DPP10: variants seen among roughly 807,000 people sequenced by gnomAD.
The protein encoded by DPP10 is inactive dipeptidyl peptidase 10.
In DPP10, 33 loss-of-function variants were observed where a neutral mutation model predicts 120.9. The observed-to-expected ratio is 0.27, with a 90% CI of 0.21 to 0.37. The LOEUF (loss-of-function observed/expected upper bound fraction) is 0.37, where lower values mean the gene tolerates loss of function less well. DPP10 is among the 10% of genes least tolerant of loss of function. The pLI, the probability that DPP10 is intolerant of heterozygous loss-of-function variation, is 1.00. For synonymous variants in DPP10, 337 were observed against 326.1 expected (o/e 1.03, Z -0.36); for missense variants, 816 against 942.8 (o/e 0.87, Z 1.76).
chr2:115,458,630 G>T (rs2073772832), intron 3 of DPP10, among the ~76,000 whole-genome samples: 1 of 152,012 alleles, frequency 6.6e-6, no homozygotes, highest in Non-Finnish European at 1.5e-5. Context: ...TTATGAGTTT[G>T]TGGATATATA....
chr2:115,372,161 T>C (rs569860947), intron 3 of DPP10, among the ~76,000 whole-genome samples: 149 of 152,238 alleles, frequency 9.8e-4, no homozygotes, highest in African/African-American at 3.4e-3. Flanking sequence ...ATAGTTTAAA[T>C]GGAAGGGATA....
chr2:115,437,536 C>T (rs186282958), intron 3 of DPP10, among the ~76,000 whole-genome samples: 19 of 152,110 alleles, frequency 1.2e-4, no homozygotes, highest in African/African-American at 4.6e-4. Flanking sequence ...GGTTGATAAG[C>T]TCAACTTTAG....
intron 1 of DPP10, among the ~76,000 whole-genome samples, chr2:114,724,885 G>A (rs2105919675): frequency 6.6e-6 from 1 of 152,230 alleles, no homozygotes; most frequent in Middle Eastern, 3.4e-3. Flanking sequence ...AAGAGTGTGG[G>A]GTTTTTTTGT....
At chr2:115,537,119 G>A (rs540877454) in intron 5 of DPP10, among the ~76,000 whole-genome samples, 1 of 151,968 alleles carries the variant, frequency 6.6e-6, no homozygotes, top group Non-Finnish European at 1.5e-5. Context: ...CAAGATGCAG[G>A]TTCCAACCTT....
chr2:114,752,748 G>A (rs918791542), intron 1 of DPP10, among the ~76,000 whole-genome samples: 1 of 152,204 alleles, frequency 6.6e-6, no homozygotes, highest in South Asian at 2.1e-4. Flanking sequence ...ACCACACTTA[G>A]AGAACCACTC....
intron 1 of DPP10, among the ~76,000 whole-genome samples, chr2:115,129,590 T>C (rs2050239371): frequency 6.6e-6 from 1 of 152,202 alleles, no homozygotes. Context: ...GAATGCATTC[T>C]TGTTCCTCCT....
intron 5 of DPP10, among the ~76,000 whole-genome samples, chr2:115,671,645 G>A (rs1045579376): frequency 5.3e-5 from 8 of 151,904 alleles, no homozygotes; most frequent in Admixed American, 4.6e-4. Flanking sequence ...AACTATAATT[G>A]TAGCTTGCAT....
At chr2:114,616,680 A>T (rs1347442460) in intron 1 of DPP10, among the ~76,000 whole-genome samples, 1 of 152,134 alleles carries the variant, frequency 6.6e-6, no homozygotes, top group Non-Finnish European at 1.5e-5. Flanking sequence ...ACTCAAACAA[A>T]ATTATTGACT....
intron 13 of DPP10, among the ~76,000 whole-genome samples, chr2:115,773,873 G>A (rs1054928401): frequency 6.6e-5 from 10 of 152,028 alleles, no homozygotes; most frequent in Non-Finnish European, 1.2e-4. Context: ...TGCTGTGACA[G>A]TCTTATGTAG....
Position 115,152,597 on chromosome 2 carries a change from T to C in DPP10, c.61-156642T>C, listed in dbSNP as rs545288354. Among the ~76,000 whole-genome samples the C allele has an allele frequency of 7.9e-5, 12 of 152,342 alleles. No homozygotes were observed. The South Asian group carries it at 2.1e-3, about 26-fold the overall frequency. ...TTGGCTTGTTTTCATAGATTTCTTATATCTGTTTACCTGGAAACAGGTTTG... is the reference window on the plus strand; with the variant it reads ...TTGGCTTGTTTTCATAGATTTCTTACATCTGTTTACCTGGAAACAGGTTTG... On this transcript the variant is annotated intron_variant, in intron 1 of 25. Coordinates refer to ENST00000410059, the MANE Select transcript of DPP10 (RefSeq NM_020868.6).
intron 1 of DPP10, among the ~76,000 whole-genome samples, chr2:114,886,070 T>G (rs1692043530): frequency 6.6e-6 from 1 of 152,248 alleles, no homozygotes; most frequent in Non-Finnish European, 1.5e-5. Flanking sequence ...TCTTTAGATC[T>G]ATGAATTTAA....
intron 1 of DPP10, among the ~76,000 whole-genome samples, chr2:114,720,054 G>GTTTGT (rs957231882): frequency 8.5e-5 from 13 of 152,180 alleles, no homozygotes; most frequent in Non-Finnish European, 1.3e-4. Flanking sequence ...GTTTTTTGTT[G>GTTTGT]TTTGTTTTGT....
intron 3 of DPP10, among the ~76,000 whole-genome samples, chr2:115,347,100 A>G (rs2063747661): frequency 6.6e-6 from 1 of 152,222 alleles, no homozygotes; most frequent in Non-Finnish European, 1.5e-5. Flanking sequence ...AAATTTATTT[A>G]ATGAAAGTTT....
At chr2:115,009,795 T>G (rs1440416466) in intron 1 of DPP10, among the ~76,000 whole-genome samples, 2 of 152,052 alleles carry the variant, frequency 1.3e-5, no homozygotes, top group Non-Finnish European at 2.9e-5. Flanking sequence ...GTGATGGATA[T>G]CCCAAGTTAC....
At position 115,722,666 on chromosome 2, in the gene DPP10, C is replaced by T. The variant is rs10182567; in HGVS notation, c.577-5150C>T. Among the ~76,000 whole-genome samples the T allele has an allele frequency of 4.4e-3, 666 of 152,104 alleles. 3 individuals are homozygous for T. Among genetic ancestry groups the T allele is most frequent in the African/African-American group, 0.015 (631 of 41,518 alleles). ...AACATATAGACACGTAGAAAAGACACAGAAAAAATAGAATATTAAAATCTC... is the reference window on the plus strand; with the variant it reads ...AACATATAGACACGTAGAAAAGACATAGAAAAAATAGAATATTAAAATCTC... On this transcript the variant is annotated intron_variant, in intron 7 of 25. Transcript: ENST00000410059.
intron 1 of DPP10, among the ~76,000 whole-genome samples, chr2:114,690,360 T>C (rs1699656274): frequency 5.3e-5 from 8 of 152,076 alleles, no homozygotes; most frequent in Admixed American, 5.2e-4. Flanking sequence ...CATTGCTTAT[T>C]TTTATTAATT....
chr2:115,473,153 A>G (rs1316034304), intron 3 of DPP10, among the ~76,000 whole-genome samples: 2 of 152,216 alleles, frequency 1.3e-5, no homozygotes, highest in East Asian at 3.8e-4. Context: ...GAAAAATGGG[A>G]TCAGAATTAG....
intron 1 of DPP10, among the ~76,000 whole-genome samples, chr2:115,000,940 T>C (rs958956744): frequency 2.6e-5 from 4 of 152,174 alleles, no homozygotes; most frequent in African/African-American, 9.6e-5. Flanking sequence ...CTTTCTCTAC[T>C]ATCCACTATT....
intron 1 of DPP10, among the ~76,000 whole-genome samples, chr2:114,821,295 A>G (rs1353871123): frequency 6.6e-6 from 1 of 152,136 alleles, no homozygotes; most frequent in East Asian, 1.9e-4. Context: ...CTATGCTGCT[A>G]GGCATATGTG....
Sources: gnomAD v4.1 joint callset for allele counts (sites outside exome capture counted in the v4.1 genomes callset) on GRCh38, gnomAD v4.1.1 for gene constraint, MANE v1.5 for transcripts, NCBI Gene and HGNC (gene_info 2026-07-23, HGNC 2026-07-21) for gene names.